Variants in NRXN3 observed in about 807,000 individuals in gnomAD.
The protein encoded by NRXN3 is neurexin 3.
Under a neutral mutation model 137.6 loss-of-function variants are expected in NRXN3, and 32 were observed. That is an observed-to-expected ratio of 0.23 (90% CI 0.18 to 0.31). The LOEUF (loss-of-function observed/expected upper bound fraction) is 0.31, where lower values mean the gene tolerates loss of function less well. Among genes scored for constraint, NRXN3 ranks in the 10% least tolerant of loss-of-function variants. The pLI, the probability that NRXN3 is intolerant of heterozygous loss-of-function variation, is 1.00. For synonymous variants in NRXN3, 798 were observed against 784.5 expected, an observed-to-expected ratio of 1.02 and a Z score of -0.29; for missense variants, 1,574 against 2,062.5, an observed-to-expected ratio of 0.76 and a Z score of 4.59.
chr14:78,434,404 G>C (rs950290294), intron 4 of NRXN3, among the ~76,000 whole-genome samples: 40 of 152,044 alleles, frequency 2.6e-4, no homozygotes, highest in Non-Finnish European at 8.8e-5. Flanking sequence ...AGGACATCTA[G>C]TCATATTGGA....
chr14:78,754,809 C>T (rs1448583295), intron 8 of NRXN3, among the ~76,000 whole-genome samples: 1 of 151,466 alleles, frequency 6.6e-6, no homozygotes, highest in Admixed American at 6.6e-5. Context: ...GCACTGTGAA[C>T]TCGATAACCA....
chr14:78,377,920 T>C (rs1271345228), intron 4 of NRXN3, among the ~76,000 whole-genome samples: 4 of 152,162 alleles, frequency 2.6e-5, no homozygotes, highest in Non-Finnish European at 4.4e-5. Flanking sequence ...TACCAACTAA[T>C]AGGAACTAAT....
intron 4 of NRXN3, among the ~76,000 whole-genome samples, chr14:78,499,225 G>A (rs2095841641): frequency 6.6e-6 from 1 of 151,872 alleles, no homozygotes; most frequent in South Asian, 2.1e-4. Context: ...TGTTTATGAA[G>A]GTAGGTAATT....
chr14:78,855,601 C>A (rs933615509), intron 10 of NRXN3, among the ~76,000 whole-genome samples: 3 of 151,588 alleles, frequency 2.0e-5, no homozygotes, highest in Middle Eastern at 3.2e-3. Context: ...GATTTTAGCA[C>A]AAAAAAAACT....
intron 15 of NRXN3, among the ~76,000 whole-genome samples, chr14:79,449,238 C>A: frequency 6.6e-6 from 1 of 152,128 alleles, no homozygotes; most frequent in African/African-American, 2.4e-5. Context: ...CTATACTTGT[C>A]TTTTCTGCTG....
At chr14:79,022,416 G>C (rs890209211) in intron 15 of NRXN3, among the ~76,000 whole-genome samples, 34 of 152,090 alleles carry the variant, frequency 2.2e-4, no homozygotes, top group African/African-American at 7.7e-4. Flanking sequence ...GCTGAAAAAA[G>C]CATTGCTTTT....
chr14:78,243,486 TG>T lies in NRXN3; in HGVS notation c.397del (p.Glu133SerfsTer29). 6.3e-7 allele frequency: 1 copy of T among 1,589,698 alleles called. No individual in the cohort carries two copies. The highest frequency in any genetic ancestry group is 8.5e-7 in the Non-Finnish European group (1 of 1,175,664). On this transcript the variant is annotated frameshift_variant, in exon 2 of 21. Transcript: ENST00000335750. LOFTEE classifies it high-confidence loss of function. The surrounding 1 kb of genome is among the most constrained non-coding windows in gnomAD (Gnocchi z 4.2). Reference protein sequence around the residue: ...VLMLDGEGQSGELQPQRPYMD... With the variant: ...VLMLDGEGQSXELQPQRPYMD... ...TGATGCTTGATGGCGAGGGCCAGTCTGGGGAGCTGCAGCCCCAGCGGCCCTA... is the reference window on the plus strand; with the variant it reads ...TGATGCTTGATGGCGAGGGCCAGTCTGGGAGCTGCAGCCCCAGCGGCCCTA...
intron 19 of NRXN3, among the ~76,000 whole-genome samples, chr14:79,787,969 G>T (rs753695861): frequency 6.6e-6 from 1 of 152,058 alleles, no homozygotes; most frequent in East Asian, 1.9e-4. Flanking sequence ...TGGTGTGTTA[G>T]TCTAGTCTGT....
intron 6 of NRXN3, among the ~76,000 whole-genome samples, chr14:78,703,392 A>C (rs558360892): frequency 6.6e-6 from 1 of 152,170 alleles, no homozygotes; most frequent in Non-Finnish European, 1.5e-5. Flanking sequence ...CAGAAGCAAG[A>C]TTCTTTCACA....
intron 20 of NRXN3, among the ~76,000 whole-genome samples, chr14:79,839,758 T>C (rs969284248): frequency 7.9e-5 from 12 of 152,186 alleles, no homozygotes; most frequent in African/African-American, 2.9e-4. Flanking sequence ...TGTTCTCTTC[T>C]AGTAGTTGCA....
intron 15 of NRXN3, among the ~76,000 whole-genome samples, chr14:79,226,737 C>T (rs145477889): frequency 1.6e-4 from 24 of 151,900 alleles, no homozygotes; most frequent in African/African-American, 5.3e-4. Context: ...CCAATGTGGA[C>T]ACATACTCAT....
intron 5 of NRXN3, among the ~76,000 whole-genome samples, chr14:78,646,744 G>A (rs1424236344): frequency 1.3e-5 from 2 of 152,124 alleles, no homozygotes; most frequent in Non-Finnish European, 1.5e-5. Context: ...TCATGAATCT[G>A]ATATTTTTGA....
chr14:79,059,250 C>CTTTTTTTT (rs869266975), intron 15 of NRXN3, among the ~76,000 whole-genome samples: 7 of 78,320 alleles, frequency 8.9e-5, no homozygotes, highest in South Asian at 4.5e-4. Context: ...AGGCCCTATT[C>CTTTTTTTT]TTTTTTTTTT....
chr14:79,130,000 C>A (rs1298897206), intron 15 of NRXN3, among the ~76,000 whole-genome samples: 1 of 151,674 alleles, frequency 6.6e-6, no homozygotes, highest in Non-Finnish European at 1.5e-5. Context: ...AGGATTGCAA[C>A]CCCTGCCTTT....
intron 4 of NRXN3, among the ~76,000 whole-genome samples, chr14:78,321,924 A>G (rs533428858): frequency 6.6e-6 from 1 of 152,130 alleles, no homozygotes; most frequent in East Asian, 1.9e-4. Context: ...ACCTGAGTGC[A>G]GATGAGGAAG....
chr14:79,392,169 G>A (rs2094870001), intron 15 of NRXN3, among the ~76,000 whole-genome samples: 1 of 152,008 alleles, frequency 6.6e-6, no homozygotes. Context: ...AACAGGTCCT[G>A]GTGTGTGATG....
At chr14:78,737,649 T>C (rs558165356) in intron 8 of NRXN3, among the ~76,000 whole-genome samples, 1 of 152,194 alleles carries the variant, frequency 6.6e-6, no homozygotes, top group African/African-American at 2.4e-5. Context: ...AATGGGAACA[T>C]TTTCAAATTA....
At chr14:79,741,831 G>C (rs907212495) in intron 19 of NRXN3, among the ~76,000 whole-genome samples, 1 of 139,970 alleles carries the variant, frequency 7.1e-6, no homozygotes, top group Non-Finnish European at 1.6e-5. Flanking sequence ...CACACACACA[G>C]AGTATGTATA....
At chr14:78,768,764 A>C in intron 8 of NRXN3, among the ~76,000 whole-genome samples, 1 of 152,172 alleles carries the variant, frequency 6.6e-6, no homozygotes, top group East Asian at 1.9e-4. Context: ...TTGGACGCTA[A>C]AATGCCAATA....
Sources: gnomAD v4.1 joint callset for allele counts (sites outside exome capture counted in the v4.1 genomes callset) on GRCh38, gnomAD v4.1.1 for gene constraint, Gnocchi (gnomAD v3.1) non-coding constraint, MANE v1.5 for transcripts, NCBI Gene and HGNC (gene_info 2026-07-23, HGNC 2026-07-21) for gene names.